Variants in LPP observed in about 807,000 individuals in gnomAD.
The protein encoded by LPP is lipoma-preferred partner.
Under a neutral mutation model 60.4 loss-of-function variants are expected in LPP, and 38 were observed. That is an observed-to-expected ratio of 0.63 (90% CI 0.49 to 0.83). LPP has a LOEUF of 0.83. LPP is among the 40% of genes least tolerant of loss of function. The pLI is 0.00. For synonymous variants in LPP, 328 were observed against 290.8 expected (o/e 1.13, Z -1.30); for missense variants, 902 against 783.6 (o/e 1.15, Z -1.80).
intron 9 of LPP, among the ~76,000 whole-genome samples, chr3:188,844,401 T>C (rs1198913934): frequency 6.6e-6 from 1 of 152,228 alleles, no homozygotes; most frequent in Non-Finnish European, 1.5e-5. Context: ...CTTTGAAACA[T>C]AATTTCTCTC....
intron 10 of LPP, among the ~76,000 whole-genome samples, chr3:188,867,487 G>T (rs1430495499): frequency 6.6e-6 from 1 of 151,866 alleles, no homozygotes; most frequent in East Asian, 1.9e-4. Context: ...GAGACTACAG[G>T]CATGCACCAC....
chr3:188,310,688 C>G (rs954034581), intron 2 of LPP, among the ~76,000 whole-genome samples: 2 of 152,032 alleles, frequency 1.3e-5, no homozygotes, highest in African/African-American at 4.8e-5. Context: ...TCTGGACTGG[C>G]ATTTAGAATT....
chr3:188,567,396 T>A (rs1413778736), intron 6 of LPP, among the ~76,000 whole-genome samples: 2 of 151,930 alleles, frequency 1.3e-5, no homozygotes, highest in Non-Finnish European at 2.9e-5. Flanking sequence ...CAGTTTAATT[T>A]CTTGAAAATT....
intron 2 of LPP, among the ~76,000 whole-genome samples, chr3:188,336,019 A>G (rs1304018795): frequency 6.6e-6 from 1 of 152,136 alleles, no homozygotes; most frequent in Admixed American, 6.5e-5. Flanking sequence ...AACTGTGGGC[A>G]CCTCAGTAGC....
intron 6 of LPP, among the ~76,000 whole-genome samples, chr3:188,605,312 C>T (rs540725188): frequency 6.6e-6 from 1 of 152,008 alleles, no homozygotes; most frequent in African/African-American, 2.4e-5. Flanking sequence ...TTATGGAATT[C>T]CCTATTTAGA....
chr3:188,339,080 T>C (rs530803287), intron 2 of LPP, among the ~76,000 whole-genome samples: 2 of 152,328 alleles, frequency 1.3e-5, no homozygotes, highest in African/African-American at 4.8e-5. Context: ...TAAAATTGCT[T>C]CTGAGGGTGA....
At chr3:188,329,731 T>C (rs1759460756) in intron 2 of LPP, among the ~76,000 whole-genome samples, 1 of 152,194 alleles carries the variant, frequency 6.6e-6, no homozygotes, top group South Asian at 2.1e-4. Context: ...ACTCATGCCT[T>C]TTTAAACAAA....
At position 188,882,358 on chromosome 3, in the gene LPP, GA is replaced by G. The variant is rs999147420; in HGVS notation, c.*7887del. 5.3e-5 allele frequency: 12 copies of G among 225,790 alleles called. No homozygotes were observed. The highest frequency in any genetic ancestry group is 1.3e-3 in the Middle Eastern group (1 of 750). 14.0% of individuals were successfully genotyped at this position (225,790 alleles called of 1,614,324 possible). The stretch of plus-strand genomic sequence containing the variant: ...GGATTCTGGAAATTCCTTCTTAACA[GA>G]AAAAAAAGGCTTCCAAATAATCAGG... On this transcript the variant is annotated 3_prime_UTR_variant, in exon 12 of 12. Transcript: ENST00000617246.
At chr3:188,685,830 C>T (rs1860587408) in intron 7 of LPP, among the ~76,000 whole-genome samples, 1 of 152,150 alleles carries the variant, frequency 6.6e-6, no homozygotes, top group Non-Finnish European at 1.5e-5. Context: ...CTTGAACAAG[C>T]TTCTCTACTA....
intron 9 of LPP, among the ~76,000 whole-genome samples, chr3:188,819,308 C>T (rs1252415364): frequency 1.3e-5 from 2 of 151,918 alleles, no homozygotes; most frequent in African/African-American, 2.4e-5. Flanking sequence ...TCTCCCCCTC[C>T]TTCCTTCCTT....
At position 188,373,105 on chromosome 3, in the gene LPP, G is replaced by A. The variant is rs59744920; in HGVS notation, c.-10+31386G>A. ...TCACATTTTCTTAATCCAGTCTATT[G>A]TTGTTGGACATTTGGGTTGGTTCGA... is the stretch of plus-strand genomic sequence containing the variant. On this transcript the variant is annotated intron_variant, in intron 3 of 11. Coordinates refer to ENST00000617246, the MANE Select transcript of LPP (RefSeq NM_001375462.1). 7.2e-3 allele frequency among the ~76,000 whole-genome samples: 1,083 copies of A among 151,070 alleles called. 15 individuals are homozygous for A. The highest frequency in any genetic ancestry group is 0.024 in the African/African-American group (974 of 40,522).
intron 4 of LPP, among the ~76,000 whole-genome samples, chr3:188,481,907 AG>A (rs1247003051): frequency 6.6e-6 from 1 of 152,206 alleles, no homozygotes; most frequent in Middle Eastern, 3.2e-3. Context: ...ATGGGTATGA[AG>A]AAGACATAGT....
intron 4 of LPP, among the ~76,000 whole-genome samples, chr3:188,426,851 A>G (rs1789511165): frequency 6.6e-6 from 1 of 152,078 alleles, no homozygotes; most frequent in African/African-American, 2.4e-5. Context: ...GTGTCTTTGC[A>G]TGTGAGATGG....
intron 3 of LPP, among the ~76,000 whole-genome samples, chr3:188,389,886 C>T (rs1007713919): frequency 1.2e-4 from 19 of 152,036 alleles, no homozygotes; most frequent in Admixed American, 9.8e-4. Context: ...TGCCTATCCC[C>T]TCTGGGTCCT....
intron 6 of LPP, among the ~76,000 whole-genome samples, chr3:188,549,246 T>C (rs995537629): frequency 2.0e-5 from 3 of 152,188 alleles, no homozygotes; most frequent in Non-Finnish European, 4.4e-5. Flanking sequence ...TTATCTTTTT[T>C]TTTGGCCTGG....
rs544664792 is a variant in LPP, at chr3:188,438,693, C to T, written c.193+32380C>T. ...GCAGACCTAAGGTTTTTTACACTTC[C>T]TGAGGCTATAGAACAGAACTAATCT... On this transcript the variant is annotated intron_variant, in intron 4 of 11. Transcript: ENST00000617246. Among the ~76,000 whole-genome samples the T allele has an allele frequency of 2.9e-4, 44 of 152,232 alleles. 1 individual carries two copies. The South Asian group carries it at 8.7e-3, about 30-fold the overall frequency.
intron 7 of LPP, among the ~76,000 whole-genome samples, chr3:188,621,165 G>C (rs1845737259): frequency 2.6e-5 from 4 of 151,746 alleles, no homozygotes; most frequent in Admixed American, 2.6e-4. Context: ...CGTTTATGTG[G>C]GCTTAAATAG....
chr3:188,413,762 G>A (rs1785460107), intron 4 of LPP, among the ~76,000 whole-genome samples: 1 of 152,136 alleles, frequency 6.6e-6, no homozygotes, highest in South Asian at 2.1e-4. Context: ...GCTCAAAAGT[G>A]CCAAGATGCA....
chr3:188,615,941 T>C (rs956525190), intron 7 of LPP, among the ~76,000 whole-genome samples: 1 of 152,200 alleles, frequency 6.6e-6, no homozygotes, highest in Admixed American at 6.5e-5. Flanking sequence ...TTGTTTGTTT[T>C]TCTCTTGTAA....
Sources: gnomAD v4.1 joint callset for allele counts (sites outside exome capture counted in the v4.1 genomes callset) on GRCh38, gnomAD v4.1.1 for gene constraint, MANE v1.5 for transcripts, NCBI Gene and HGNC (gene_info 2026-07-23, HGNC 2026-07-21) for gene names.